The following COL23A1 variants were observed in gnomAD, a reference collection of about 807,000 sequenced individuals.
COL23A1 encodes collagen alpha-1(XXIII) chain.
Under a neutral mutation model 99.3 loss-of-function variants are expected in COL23A1, and 97 were observed. That is an observed-to-expected ratio of 0.98 (90% CI 0.83 to 1.16). The LOEUF (loss-of-function observed/expected upper bound fraction) is 1.16, where lower values mean the gene tolerates loss of function less well. COL23A1 is among the 50% of genes most tolerant of loss of function. The pLI, the probability that COL23A1 is intolerant of heterozygous loss-of-function variation, is 0.00. For synonymous variants in COL23A1, 320 were observed against 308.2 expected, an observed-to-expected ratio of 1.04 and a Z score of -0.40; for missense variants, 762 against 757.4, an observed-to-expected ratio of 1.01 and a Z score of -0.07.
intron 5 of COL23A1, among the ~76,000 whole-genome samples, chr5:178,271,311 C>T (rs186555035): frequency 3.3e-5 from 5 of 152,318 alleles, no homozygotes; most frequent in East Asian, 1.9e-4. Context: ...ACATACACTT[C>T]ACTCTTGGCC....
intron 2 of COL23A1, among the ~76,000 whole-genome samples, chr5:178,397,089 T>C (rs1037606208): frequency 6.6e-6 from 1 of 152,236 alleles, no homozygotes; most frequent in African/African-American, 2.4e-5. Context: ...CAAGCCTGGC[T>C]GTGCACCCAG....
chr5:178,345,172 C>T (rs545546791), intron 2 of COL23A1: 11 of 719,326 alleles, frequency 1.5e-5, no homozygotes, highest in East Asian at 8.0e-5. Context: ...GCCTGGGTCA[C>T]GTAGTCTCTA....
chr5:178,391,238 C>G (rs1419027584), intron 2 of COL23A1, among the ~76,000 whole-genome samples: 1 of 152,188 alleles, frequency 6.6e-6, no homozygotes, highest in Non-Finnish European at 1.5e-5. Context: ...TTCCACGAAA[C>G]CAGTCCATGG....
At chr5:178,305,601 T>C (rs1221528818) in intron 3 of COL23A1, among the ~76,000 whole-genome samples, 1 of 152,172 alleles carries the variant, frequency 6.6e-6, no homozygotes, top group Non-Finnish European at 1.5e-5. Flanking sequence ...GAGGAGATGC[T>C]TGAGCTAGGC....
At chr5:178,271,571 G>A (rs1242412047) in intron 5 of COL23A1, among the ~76,000 whole-genome samples, 2 of 152,240 alleles carry the variant, frequency 1.3e-5, no homozygotes, top group African/African-American at 2.4e-5. Context: ...GTCAGGAAAA[G>A]GGTCTAATCC....
At chr5:178,521,190 T>A (rs2113055449) in intron 2 of COL23A1, among the ~76,000 whole-genome samples, 2 of 152,350 alleles carry the variant, frequency 1.3e-5, no homozygotes, top group South Asian at 4.1e-4. Flanking sequence ...ACCACCATCA[T>A]ATATGTGGTA....
intron 27 of COL23A1, among the ~76,000 whole-genome samples, chr5:178,241,626 C>T (rs1764406070): frequency 6.6e-6 from 1 of 152,184 alleles, no homozygotes; most frequent in Non-Finnish European, 1.5e-5. Flanking sequence ...ACTTTGGTTC[C>T]CTCCGCAGGG....
At chr5:178,517,030 G>A (rs1419295482) in intron 2 of COL23A1, among the ~76,000 whole-genome samples, 2 of 152,182 alleles carry the variant, frequency 1.3e-5, no homozygotes, top group Non-Finnish European at 2.9e-5. Context: ...ACTCAGTGGG[G>A]ACGGGGCCTC....
At chr5:178,529,591 C>T (rs923937188) in intron 2 of COL23A1, among the ~76,000 whole-genome samples, 1 of 152,208 alleles carries the variant, frequency 6.6e-6, no homozygotes, top group Non-Finnish European at 1.5e-5. Flanking sequence ...TGTCATGCCA[C>T]TCAGAGTTAA....
chr5:178,341,278 C>T lies in COL23A1; in HGVS notation c.362-34359G>A, dbSNP rs182319789. On this transcript the variant is annotated intron_variant, in intron 2 of 28. Coordinates refer to ENST00000390654, the MANE Select transcript of COL23A1 (RefSeq NM_173465.4). ...TAGCTGGGACCACAGGTGCGTGCCACCATGCCTGACCCGTCAGGTCTTTAC... is the reference window on the plus strand; with the variant it reads ...TAGCTGGGACCACAGGTGCGTGCCATCATGCCTGACCCGTCAGGTCTTTAC... 3.3e-3 allele frequency among the ~76,000 whole-genome samples: 506 copies of T among 152,296 alleles called. 2 individuals carry two copies. Among genetic ancestry groups the T allele is most frequent in the African/African-American group, 0.011 (478 of 41,568 alleles).
intron 2 of COL23A1, among the ~76,000 whole-genome samples, chr5:178,528,282 A>G (rs1439386361): frequency 6.6e-6 from 1 of 152,000 alleles, no homozygotes; most frequent in Non-Finnish European, 1.5e-5. Flanking sequence ...CCCTTTCACC[A>G]TCTCACACAC....
intron 2 of COL23A1, among the ~76,000 whole-genome samples, chr5:178,455,060 C>G (rs1767694860): frequency 6.6e-6 from 1 of 152,220 alleles, no homozygotes; most frequent in African/African-American, 2.4e-5. Context: ...GGTGGCCACG[C>G]AGTCTTGTCA....
chr5:178,472,669 G>A (rs928488146), intron 2 of COL23A1, among the ~76,000 whole-genome samples: 1 of 152,114 alleles, frequency 6.6e-6, no homozygotes, highest in African/African-American at 2.4e-5. Flanking sequence ...TTTGTAGATG[G>A]GAAATGTGAG....
In COL23A1 at chr5:178,300,245, A is replaced by AT. The variant is rs1442491143; in HGVS notation, c.406+6629dup. ...CCACCATGCCCGGCTAATTTTTTGT[A>AT]TTTTTTTTTTTCAGTAGAGACCATC... On this transcript the variant is annotated intron_variant, in intron 3 of 28. Transcript: ENST00000390654. 2.7e-3 allele frequency among the ~76,000 whole-genome samples: 377 copies of AT among 140,136 alleles called. 1 individual carries two copies. The highest frequency in any genetic ancestry group is 6.6e-3 in the South Asian group (29 of 4,388). 91.9% of individuals were successfully genotyped at this position (140,136 alleles called of 152,430 possible).
chr5:178,430,423 G>A (rs1766196417), intron 2 of COL23A1, among the ~76,000 whole-genome samples: 1 of 152,264 alleles, frequency 6.6e-6, no homozygotes, highest in East Asian at 1.9e-4. Context: ...ATAGTCCCCT[G>A]GAAAGGACAC....
At chr5:178,554,304 A>G (rs262010) in intron 2 of COL23A1, among the ~76,000 whole-genome samples, 87,166 of 151,856 alleles carry the variant, frequency 0.57, 28,490 homozygotes, top group African/African-American at 0.88. Flanking sequence ...TCAGCCTCCT[A>G]AGTAACTGGG....
intron 2 of COL23A1, among the ~76,000 whole-genome samples, chr5:178,482,782 G>T (rs969724735): frequency 6.6e-6 from 1 of 152,172 alleles, no homozygotes; most frequent in Non-Finnish European, 1.5e-5. Context: ...GGTGCCTGTA[G>T]TCCCAGCTAT....
chr5:178,238,892 C>G (rs1409798578), intron 28 of COL23A1, among the ~76,000 whole-genome samples, 192 bp from the exon 29 acceptor site: 2 of 152,144 alleles, frequency 1.3e-5, no homozygotes, highest in Admixed American at 6.5e-5. Context: ...GTCCAGGTGT[C>G]AGTTGAGTCC....
At chr5:178,416,333 GC>G (rs1765308026) in intron 2 of COL23A1, among the ~76,000 whole-genome samples, 1 of 152,212 alleles carries the variant, frequency 6.6e-6, no homozygotes, top group African/African-American at 2.4e-5. Context: ...CAGCTGGCCT[GC>G]CTCCCTCAGG....
Sources: gnomAD v4.1 joint callset for allele counts (sites outside exome capture counted in the v4.1 genomes callset) on GRCh38, gnomAD v4.1.1 for gene constraint, MANE v1.5 for transcripts, NCBI Gene and HGNC (gene_info 2026-07-23, HGNC 2026-07-21) for gene names.